The following AKAP13 variants were observed in gnomAD, a reference collection of about 807,000 sequenced individuals.
AKAP13 encodes A-kinase anchoring protein 13, also known as A-kinase anchor protein 13.
Under a neutral mutation model 264.5 loss-of-function variants are expected in AKAP13, and 80 were observed. The ratio of observed to expected loss-of-function variants is 0.30; its 90% CI spans 0.25 to 0.36. The LOEUF (loss-of-function observed/expected upper bound fraction) is 0.36. AKAP13 is among the 10% of genes least tolerant of loss of function. The pLI is 1.00. For synonymous variants in AKAP13, 1,380 were observed against 1,250.2 expected (o/e 1.10, Z -2.19); for missense variants, 3,712 against 3,435.2 (o/e 1.08, Z -2.01).
rs2089381678 is a variant in AKAP13, at chr15:85,746,824, C to T, written c.*2147C>T. The stretch of plus-strand genomic sequence containing the variant: ...AGGGCAGTACTGAACCTGCATTCTT[C>T]TCCTTGTAAATGTAGGCCGGGTGCC... On this transcript the variant is annotated 3_prime_UTR_variant, in exon 37 of 37. Transcript: ENST00000394518. 1.3e-5 allele frequency: 2 copies of T among 152,210 alleles called. No homozygotes were observed. The highest frequency in any genetic ancestry group is 4.8e-5 in the African/African-American group (2 of 41,450). The allele number at this position is 152,210 out of a possible 1,614,324, so 9.4% of individuals were successfully genotyped here.
rs927124456 is a variant in AKAP13, at chr15:85,692,484, G to A, written c.5290-793G>A. 8.7e-5 allele frequency among the ~76,000 whole-genome samples: 13 copies of A among 149,474 alleles called. No individual in the cohort carries two copies. In the South Asian group the frequency reaches 2.6e-3, roughly 30 times the overall value. On this transcript the variant is annotated intron_variant, in intron 16 of 36. Coordinates refer to ENST00000394518, the MANE Select transcript of AKAP13 (RefSeq NM_007200.5). ...CACGCTATTACTGAGTAGTAGTAGT[G>A]GTGGTGGTGGTGATGGTGGTGGTGG...
intron 14 of AKAP13, among the ~76,000 whole-genome samples, chr15:85,674,490 C>CTA (rs1336017776): frequency 2.6e-5 from 4 of 152,212 alleles, no homozygotes; most frequent in African/African-American, 9.7e-5. Context: ...AAGGAATACT[C>CTA]TGTGTGTATC....
chr15:85,436,680 A>C (rs2073314238), intron 1 of AKAP13, among the ~76,000 whole-genome samples: 1 of 148,302 alleles, frequency 6.7e-6, no homozygotes, highest in Admixed American at 6.8e-5. Flanking sequence ...AAGCCGCTCA[A>C]CTACATGGAA....
Position 85,582,118 on chromosome 15 carries a change from C to G in AKAP13, c.4039+11C>G. ...CTGAGCCAGCAGCAGGTAAGCAAAA[C>G]ATAATACAAAATTAACAGTCTGAGA... On this transcript the variant is annotated intron_variant, in intron 7 of 36. Coordinates refer to ENST00000394518, the MANE Select transcript of AKAP13 (RefSeq NM_007200.5). 2.5e-6 allele frequency: 4 copies of G among 1,568,932 alleles called. No homozygotes were observed. Among genetic ancestry groups the G allele is most frequent in the Non-Finnish European group, 3.4e-6 (4 of 1,161,024 alleles).
chr15:85,714,153 C>G (rs1285573597), intron 19 of AKAP13, among the ~76,000 whole-genome samples: 1 of 152,112 alleles, frequency 6.6e-6, no homozygotes, highest in East Asian at 1.9e-4. Flanking sequence ...GTATTATATA[C>G]TGTATTCTTA....
In AKAP13 at chr15:85,581,758, A is replaced by G. The variant is rs114051144; in HGVS notation, c.3690A>G (p.Leu1230=). 39 of 1,614,116 alleles carry G rather than the reference A, an allele frequency of 2.4e-5. No homozygotes were observed. In the East Asian group the frequency reaches 6.9e-4, roughly 29 times the overall value. Residue 1230 remains leucine, a synonymous_variant, in exon 7 of 37, where the codon CTA becomes CTG. Coordinates refer to ENST00000394518, the MANE Select transcript of AKAP13 (RefSeq NM_007200.5). ...GCAGGGAAAGGAGCACTCCCTCTCT[A>G]CCTTGCATGGTCTCTGCCCAGGACG... ...PSGRERSTPS[L]PCMVSAQDAP...
Position 85,612,871 on chromosome 15 carries a change from A to G in AKAP13, c.4162-26503A>G, listed in dbSNP as rs140088661. The stretch of plus-strand genomic sequence containing the variant: ...AAGAAAAAGTAAATGTGGAGAGAAC[A>G]TATTCTTCTTACCTTAATGCCTTAA... On this transcript the variant is annotated intron_variant, in intron 8 of 36. Coordinates refer to ENST00000394518, the MANE Select transcript of AKAP13 (RefSeq NM_007200.5). 2.2e-3 allele frequency among the ~76,000 whole-genome samples: 333 copies of G among 152,094 alleles called. 3 individuals carry two copies. Among genetic ancestry groups the G allele is most frequent in the African/African-American group, 7.5e-3 (312 of 41,528 alleles).
intron 5 of AKAP13, among the ~76,000 whole-genome samples, chr15:85,574,105 A>T (rs1425073812): frequency 6.6e-6 from 1 of 152,240 alleles, no homozygotes; most frequent in Non-Finnish European, 1.5e-5. Context: ...CTGTGTATCA[A>T]ACTAATGAGA....
chr15:85,548,902 CTTT>C (rs72092593), intron 5 of AKAP13, among the ~76,000 whole-genome samples: 8 of 123,284 alleles, frequency 6.5e-5, no homozygotes, highest in Non-Finnish European at 5.3e-5. Flanking sequence ...ACCTCAGTGC[CTTT>C]TTTTTTTTTT....
intron 16 of AKAP13, 170 bp from the exon 17 acceptor site, chr15:85,693,107 A>G (rs2085381507): frequency 4.2e-6 from 5 of 1,204,422 alleles, no homozygotes; most frequent in Non-Finnish European, 5.4e-6. Context: ...TTGCGTGCCA[A>G]CGCCTTAATT....
At chr15:85,612,405 A>G (rs1053972587) in intron 8 of AKAP13, among the ~76,000 whole-genome samples, 1 of 152,116 alleles carries the variant, frequency 6.6e-6, no homozygotes, top group Non-Finnish European at 1.5e-5. Context: ...GATTTTTTTT[A>G]CTGGTGGTTT....
chr15:85,685,299 CAAAGGATTGA>C (rs1257877231), intron 16 of AKAP13: 1 of 152,840 alleles, frequency 6.5e-6, no homozygotes, highest in Non-Finnish European at 1.5e-5. Context: ...ATGCAAAGAT[CAAAGGATTGA>C]AAATATTTAT....
At chr15:85,678,795 G>T (rs1201334339) in intron 14 of AKAP13, among the ~76,000 whole-genome samples, 1 of 151,954 alleles carries the variant, frequency 6.6e-6, no homozygotes, top group African/African-American at 2.4e-5. Context: ...CTTGAACCTG[G>T]GAGGCAGATG....
At chr15:85,512,622 A>G (rs964497918) in intron 2 of AKAP13, among the ~76,000 whole-genome samples, 10 of 152,214 alleles carry the variant, frequency 6.6e-5, no homozygotes, top group African/African-American at 2.4e-4. Flanking sequence ...TAGCTTTTTA[A>G]AGGCAAGATT....
chr15:85,504,695 A>C (rs1596356156), intron 2 of AKAP13, among the ~76,000 whole-genome samples: 1 of 15,966 alleles, frequency 6.3e-5, no homozygotes, highest in Non-Finnish European at 1.8e-4. Context: ...CCCTGTCTCC[A>C]AAAAAAAAAA....
chr15:85,436,818 G>A (rs1355518120), intron 1 of AKAP13, among the ~76,000 whole-genome samples: 2 of 152,006 alleles, frequency 1.3e-5, no homozygotes, highest in African/African-American at 4.8e-5. Context: ...ATTCAAAGCA[G>A]TGTGTAGAGG....
intron 13 of AKAP13, among the ~76,000 whole-genome samples, chr15:85,665,819 G>C (rs1338386601): frequency 2.6e-5 from 4 of 152,118 alleles, no homozygotes; most frequent in African/African-American, 9.7e-5. Flanking sequence ...TCAGAATGAT[G>C]GTTTCCAGCT....
chr15:85,443,830 T>G (rs570113535), intron 1 of AKAP13, among the ~76,000 whole-genome samples: 17 of 151,982 alleles, frequency 1.1e-4, no homozygotes, highest in African/African-American at 3.1e-4. Context: ...TGATTTTTCC[T>G]TCTTCATTTA....
At chr15:85,716,092 T>C (rs1210392794) in intron 20 of AKAP13, among the ~76,000 whole-genome samples, 169 bp downstream of exon 20, 1 of 151,878 alleles carries the variant, frequency 6.6e-6, no homozygotes, top group Non-Finnish European at 1.5e-5. Context: ...CATGTCATGA[T>C]GGTCATTCTG....
Sources: gnomAD v4.1 joint callset for allele counts (sites outside exome capture counted in the v4.1 genomes callset) on GRCh38, gnomAD v4.1.1 for gene constraint, MANE v1.5 for transcripts, NCBI Gene and HGNC (gene_info 2026-07-23, HGNC 2026-07-21) for gene names.